The following SHB variants were observed in gnomAD, a reference collection of about 807,000 sequenced individuals.
The protein encoded by SHB is SH2 domain containing adaptor protein B, also known as SH2 domain-containing adapter protein B.
SHB carries 20 observed loss-of-function variants against 52.3 expected under a neutral mutation model. That is an observed-to-expected ratio of 0.38 (90% CI 0.27 to 0.56). The LOEUF (loss-of-function observed/expected upper bound fraction) is 0.56. Ranked by LOEUF, SHB falls within the 20% of genes least tolerant of loss-of-function variation. The pLI, the probability that SHB is intolerant of heterozygous loss-of-function variation, is 0.71. For synonymous variants in SHB, 397 were observed against 316.5 expected (o/e 1.25, Z -2.70); for missense variants, 825 against 723.3 (o/e 1.14, Z -1.61).
intron 5 of SHB, among the ~76,000 whole-genome samples, chr9:37,926,657 GTAGA>G (rs1433639580): frequency 3.3e-5 from 5 of 152,254 alleles, no homozygotes; most frequent in South Asian, 2.1e-4. Context: ...TCAATGTGTG[GTAGA>G]TAAAGAGGCG....
chr9:37,967,957 C>T (rs998777838), intron 3 of SHB, among the ~76,000 whole-genome samples: 11 of 152,200 alleles, frequency 7.2e-5, no homozygotes, highest in East Asian at 1.9e-4. Flanking sequence ...CCAGGGGACT[C>T]GTTAGAACTG....
intron 2 of SHB, among the ~76,000 whole-genome samples, chr9:38,006,145 C>G (rs1479787204): frequency 1.3e-5 from 2 of 152,156 alleles, no homozygotes; most frequent in African/African-American, 4.8e-5. Flanking sequence ...TCATCCCACC[C>G]TCTCCTCTCC....
intron 5 of SHB, among the ~76,000 whole-genome samples, chr9:37,941,978 C>T (rs1003201095): frequency 2.6e-5 from 4 of 152,216 alleles, no homozygotes; most frequent in African/African-American, 9.7e-5. Flanking sequence ...TTTCTTTCTC[C>T]TAGCTGTCAG....
chr9:37,916,993 A>G lies in SHB; in HGVS notation c.*2828T>C, dbSNP rs189119951. ...TGGCAGGAGCTTTTCTTTTCTCTCA[A>G]AGAAATCCAGCTCAATTTTTTCCCC... On this transcript the variant is annotated 3_prime_UTR_variant, in exon 6 of 6. Coordinates refer to ENST00000377707, the MANE Select transcript of SHB (RefSeq NM_003028.3). Among the ~76,000 whole-genome samples the G allele has an allele frequency of 1.8e-3, 271 of 152,140 alleles. 1 individual carries two copies. The highest frequency in any genetic ancestry group is 6.1e-3 in the African/African-American group (255 of 41,498).
intron 1 of SHB, among the ~76,000 whole-genome samples, chr9:38,019,564 G>A (rs755036621): frequency 1.3e-5 from 2 of 152,244 alleles, no homozygotes; most frequent in Non-Finnish European, 2.9e-5. Flanking sequence ...CTATGGACTG[G>A]TCAGAGTTTT....
At chr9:38,014,272 C>T (rs1821182064) in intron 2 of SHB, among the ~76,000 whole-genome samples, 2 of 152,266 alleles carry the variant, frequency 1.3e-5, no homozygotes, top group Admixed American at 1.3e-4. Flanking sequence ...CCTGTAACCA[C>T]TGCTCCTTTA....
At chr9:37,933,178 C>T (rs893612211) in intron 5 of SHB, among the ~76,000 whole-genome samples, 4 of 152,116 alleles carry the variant, frequency 2.6e-5, no homozygotes, top group Non-Finnish European at 2.9e-5. Context: ...TATGAATGAC[C>T]GTGGTTCCTG....
intron 3 of SHB, among the ~76,000 whole-genome samples, chr9:37,970,874 C>A (rs555752795): frequency 2.0e-5 from 3 of 152,074 alleles, no homozygotes; most frequent in Non-Finnish European, 4.4e-5. Context: ...GAGTCCCCCA[C>A]ACTCTCCACC....
chr9:37,961,554 A>T (rs1448541699), intron 3 of SHB, among the ~76,000 whole-genome samples: 3 of 151,856 alleles, frequency 2.0e-5, no homozygotes, highest in East Asian at 1.9e-4. Context: ...CCCCTACAAA[A>T]CCCCTGTGGG....
intron 2 of SHB, among the ~76,000 whole-genome samples, chr9:37,985,311 G>A (rs1820791198): frequency 6.6e-6 from 1 of 152,260 alleles, no homozygotes; most frequent in African/African-American, 2.4e-5. Context: ...GTCTTCTCAT[G>A]AGCCCCTCTG....
intron 4 of SHB, among the ~76,000 whole-genome samples, chr9:37,955,429 A>G (rs1369501581): frequency 1.3e-5 from 2 of 152,086 alleles, no homozygotes; most frequent in Non-Finnish European, 2.9e-5. Context: ...AGGGGGAGGT[A>G]GGGGCAGGCT....
chr9:38,007,476 A>G (rs1048325102), intron 2 of SHB, among the ~76,000 whole-genome samples: 1 of 152,074 alleles, frequency 6.6e-6, no homozygotes, highest in African/African-American at 2.4e-5. Flanking sequence ...CGCCCACCCA[A>G]CTCCCACCCT....
chr9:38,025,888 T>G (rs1821334793), intron 1 of SHB, among the ~76,000 whole-genome samples: 1 of 152,208 alleles, frequency 6.6e-6, no homozygotes, highest in Non-Finnish European at 1.5e-5. Flanking sequence ...AGAACACTCC[T>G]GAGCGGGTGA....
chr9:38,007,761 C>T (rs974813907), intron 2 of SHB, among the ~76,000 whole-genome samples: 1 of 149,534 alleles, frequency 6.7e-6, no homozygotes, highest in Non-Finnish European at 1.5e-5. Flanking sequence ...GTGAGACAGA[C>T]AACAAACAAG....
intron 2 of SHB, among the ~76,000 whole-genome samples, chr9:38,014,392 G>A (rs1485306983): frequency 6.6e-6 from 1 of 152,254 alleles, no homozygotes; most frequent in Non-Finnish European, 1.5e-5. Context: ...CACAGAGCTG[G>A]TGTCTCACCA....
intron 2 of SHB, among the ~76,000 whole-genome samples, chr9:37,982,263 G>C (rs1030925914): frequency 2.0e-5 from 3 of 150,982 alleles, no homozygotes; most frequent in East Asian, 4.0e-4. Flanking sequence ...GAGGCCAAGG[G>C]GGGTGGATCA....
intron 1 of SHB, among the ~76,000 whole-genome samples, chr9:38,031,025 T>C (rs1021273974): frequency 9.2e-5 from 14 of 152,028 alleles, no homozygotes; most frequent in Non-Finnish European, 1.8e-4. Flanking sequence ...TTCACCCACA[T>C]TTTATGAAGG....
At chr9:38,003,573 G>A (rs1162680923) in intron 2 of SHB, among the ~76,000 whole-genome samples, 6 of 152,146 alleles carry the variant, frequency 3.9e-5, no homozygotes, top group African/African-American at 1.2e-4. Context: ...CCCTGTGCTC[G>A]TTGCAGTGCC....
intron 1 of SHB, among the ~76,000 whole-genome samples, chr9:38,017,103 C>A (rs1029095922): frequency 2.0e-5 from 3 of 152,238 alleles, no homozygotes; most frequent in African/African-American, 7.2e-5. Context: ...CTTTTTACTT[C>A]CTAACCTTTA....
Sources: gnomAD v4.1 joint callset for allele counts (sites outside exome capture counted in the v4.1 genomes callset) on GRCh38, gnomAD v4.1.1 for gene constraint, MANE v1.5 for transcripts, NCBI Gene and HGNC (gene_info 2026-07-23, HGNC 2026-07-21) for gene names.